DOCK4: variants seen among roughly 807,000 people sequenced by gnomAD.
The protein encoded by DOCK4 is dedicator of cytokinesis protein 4.
In DOCK4, 97 loss-of-function variants were observed where a neutral mutation model predicts 268.1. The ratio of observed to expected loss-of-function variants is 0.36; its 90% CI spans 0.31 to 0.43. DOCK4 has a LOEUF of 0.43. DOCK4 is among the 20% of genes least tolerant of loss of function. The pLI, the probability that DOCK4 is intolerant of heterozygous loss-of-function variation, is 1.00. For missense variants in DOCK4, 2,145 were observed against 2,455.7 expected, an observed-to-expected ratio of 0.87 and a Z score of 2.67; for synonymous variants, 954 against 887.2, an observed-to-expected ratio of 1.08 and a Z score of -1.34.
At chr7:112,204,046 T>C (rs992325939) in intron 1 of DOCK4, among the ~76,000 whole-genome samples, 1 of 152,188 alleles carries the variant, frequency 6.6e-6, no homozygotes, top group Non-Finnish European at 1.5e-5. Context: ...TTTTTCTCAA[T>C]TGTGAGCACA....
In DOCK4 at chr7:111,816,962, C is replaced by T. The variant is rs188153784; in HGVS notation, c.2931-5013G>A. Among the ~76,000 whole-genome samples the T allele has an allele frequency of 2.8e-3, 428 of 152,182 alleles. 2 individuals carry two copies. The highest frequency in any genetic ancestry group is 9.7e-3 in the African/African-American group (402 of 41,546). ...AATGGGGCACGCAGTGTGGATGAAG[C>T]AAAAAGAATGGGAAAGGATTTACAC... On this transcript the variant is annotated intron_variant, in intron 27 of 52. Transcript: ENST00000428084.
At chr7:111,776,339 T>C (rs1798440178) in intron 36 of DOCK4, among the ~76,000 whole-genome samples, 1 of 152,114 alleles carries the variant, frequency 6.6e-6, no homozygotes, top group African/African-American at 2.4e-5. Context: ...TGCAAAGAAA[T>C]TGAAGCTGTA....
Position 111,989,048 on chromosome 7 carries a change from C to T in DOCK4, c.431G>A (p.Arg144His), listed in dbSNP as rs761465380. Residue 144 changes from arginine (R) to histidine (H), a missense_variant, in exon 6 of 53, where the codon CGC becomes CAC. Arg to His is a conservative substitution (Grantham distance 29). This residue lies in a region of DOCK4 where 1,598 missense variants were observed against 1,986.7 expected (regional missense o/e 0.80). Transcript: ENST00000428084. The stretch of plus-strand genomic sequence containing the variant: ...CCAGTCAAGCCGGGCAGTAATGTGG[C>T]GCTTCACGTCCTTCATCCGGTCGTG... The part of the protein sequence containing the change: ...LTHDRMKDVK[R>H]HITARLDWGN... 14 of 1,613,470 alleles carry T rather than the reference C, an allele frequency of 8.7e-6. No homozygotes were observed. The highest frequency in any genetic ancestry group is 1.3e-5 in the African/African-American group (1 of 74,912).
intron 1 of DOCK4, among the ~76,000 whole-genome samples, chr7:112,147,770 G>C (rs1264237439): frequency 1.4e-5 from 2 of 147,678 alleles, no homozygotes; most frequent in Non-Finnish European, 3.0e-5. Flanking sequence ...AACTACACAG[G>C]AACAATTCCC....
intron 32 of DOCK4, among the ~76,000 whole-genome samples, chr7:111,788,000 G>A (rs546705340): frequency 2.0e-5 from 3 of 152,176 alleles, no homozygotes; most frequent in African/African-American, 4.8e-5. Flanking sequence ...TAAACACAAC[G>A]CATGAATACT....
chr7:111,726,186 C>G lies in DOCK4; in HGVS notation c.*2088G>C, dbSNP rs1489219725. 1 of 152,604 alleles carries G rather than the reference C, an allele frequency of 6.6e-6. No individual in the cohort carries two copies. Among genetic ancestry groups the G allele is most frequent in the Non-Finnish European group, 1.5e-5 (1 of 68,040 alleles). 9.5% of individuals were successfully genotyped at this position (152,604 alleles called of 1,614,324 possible). On this transcript the variant is annotated 3_prime_UTR_variant, in exon 53 of 53. Transcript: ENST00000428084. ...ACATGAACATGTGGGCTAACAGAAT[C>G]TCTTAAAATGTTCTGCTATGTAGCT...
At chr7:111,811,692 C>T (rs776395668) in intron 28 of DOCK4, among the ~76,000 whole-genome samples, 182 bp downstream of exon 28, 7 of 152,008 alleles carry the variant, frequency 4.6e-5, no homozygotes, top group African/African-American at 2.4e-5. Flanking sequence ...TCCTTTTAAG[C>T]GCTATGATCT....
chr7:112,007,986 T>C (rs954146544), intron 1 of DOCK4, among the ~76,000 whole-genome samples: 22 of 152,174 alleles, frequency 1.4e-4, no homozygotes, highest in Non-Finnish European at 3.2e-4. Flanking sequence ...AGGGGCATTT[T>C]CCCCCAAATA....
At chr7:112,004,416 G>T (rs924787631) in intron 1 of DOCK4, among the ~76,000 whole-genome samples, 3 of 152,142 alleles carry the variant, frequency 2.0e-5, no homozygotes, top group Non-Finnish European at 4.4e-5. Context: ...CAAAGGTATT[G>T]CCTGAGAGCT....
intron 1 of DOCK4, among the ~76,000 whole-genome samples, chr7:112,168,232 G>T (rs1942339311): frequency 6.6e-6 from 1 of 152,116 alleles, no homozygotes; most frequent in South Asian, 2.1e-4. Context: ...TCAAAATGTT[G>T]CATGATTCAA....
chr7:111,879,737 T>G (rs1395475614), intron 16 of DOCK4, among the ~76,000 whole-genome samples: 1 of 152,082 alleles, frequency 6.6e-6, no homozygotes, highest in Non-Finnish European at 1.5e-5. Flanking sequence ...ATTGAAATAA[T>G]TAAAAAGAAG....
At chr7:112,192,660 T>G (rs1820072393) in intron 1 of DOCK4, among the ~76,000 whole-genome samples, 1 of 152,224 alleles carries the variant, frequency 6.6e-6, no homozygotes, top group East Asian at 1.9e-4. Flanking sequence ...ACATCTATCT[T>G]GAAGAAATGT....
chr7:112,197,243 A>G (rs1012795888), intron 1 of DOCK4, among the ~76,000 whole-genome samples: 2 of 151,954 alleles, frequency 1.3e-5, no homozygotes, highest in East Asian at 3.9e-4. Flanking sequence ...CAGGAGTGCC[A>G]TAGTATAACT....
At chr7:111,916,023 T>A in intron 12 of DOCK4, 119 bp from the exon 13 acceptor site, 1 of 1,064,278 alleles carries the variant, frequency 9.4e-7, no homozygotes. Context: ...GGGTTAATAT[T>A]CCGACGAAAT....
intron 41 of DOCK4, among the ~76,000 whole-genome samples, chr7:111,757,746 C>G (rs1328075318): frequency 6.6e-6 from 1 of 152,162 alleles, no homozygotes. Context: ...CAGAGCTGAC[C>G]AAGTGAGTTA....
At chr7:111,972,743 A>G (rs554862024) in intron 8 of DOCK4, among the ~76,000 whole-genome samples, 1 of 152,270 alleles carries the variant, frequency 6.6e-6, no homozygotes, top group South Asian at 2.1e-4. Flanking sequence ...GAACATATAT[A>G]TACATACTAC....
At chr7:111,807,201 C>T (rs1267847144) in intron 30 of DOCK4, among the ~76,000 whole-genome samples, 1 of 152,180 alleles carries the variant, frequency 6.6e-6, no homozygotes, top group Non-Finnish European at 1.5e-5. Flanking sequence ...AAAGAGCTTA[C>T]ACAACCACAA....
At chr7:111,867,128 A>C (rs546213769) in intron 22 of DOCK4, among the ~76,000 whole-genome samples, 1 of 152,346 alleles carries the variant, frequency 6.6e-6, no homozygotes, top group East Asian at 1.9e-4. Context: ...AGTCAGAAAA[A>C]ATACAGCACA....
chr7:111,937,888 C>T (rs1171349911), intron 11 of DOCK4, among the ~76,000 whole-genome samples: 2 of 152,192 alleles, frequency 1.3e-5, no homozygotes, highest in African/African-American at 2.4e-5. Flanking sequence ...GAGCGTCTGT[C>T]TGCTTCATGG....
Sources: allele counts gnomAD v4.1 joint callset (sites outside exome capture counted in the v4.1 genomes callset), GRCh38; gene constraint gnomAD v4.1.1; regional missense constraint gnomAD v4.1.1; transcripts MANE v1.5; gene names NCBI Gene and HGNC (gene_info 2026-07-23, HGNC 2026-07-21).